Variants in LRRIQ3 observed in about 807,000 individuals in gnomAD.
LRRIQ3 encodes the protein leucine rich repeats and IQ motif containing 3, also known as leucine-rich repeat and IQ domain-containing protein 3.
A neutral mutation model predicts 59.3 loss-of-function variants in LRRIQ3; 75 were observed. The observed-to-expected ratio is 1.26, with a 90% CI of 1.05 to 1.53. The LOEUF is 1.53. Among genes scored for constraint, LRRIQ3 ranks in the 40% most tolerant of loss-of-function variants. LRRIQ3 has a pLI of 0.00. For synonymous variants in LRRIQ3, 250 were observed against 231.3 expected (o/e 1.08, Z -0.73); for missense variants, 831 against 710.0 (o/e 1.17, Z -1.94).
intron 6 of LRRIQ3, among the ~76,000 whole-genome samples, chr1:74,060,018 C>T (rs1385617516): frequency 6.6e-6 from 1 of 151,968 alleles, no homozygotes; most frequent in South Asian, 2.1e-4. Flanking sequence ...TTTTATACTT[C>T]TAGGAAAGTG....
chr1:74,047,397 A>C (rs1043190424), intron 6 of LRRIQ3, among the ~76,000 whole-genome samples: 1 of 152,096 alleles, frequency 6.6e-6, no homozygotes, highest in Non-Finnish European at 1.5e-5. Context: ...AACAATGAGA[A>C]CACATGGGCA....
chr1:74,196,332 T>A (rs1441968296), intron 1 of LRRIQ3, among the ~76,000 whole-genome samples: 1 of 152,170 alleles, frequency 6.6e-6, no homozygotes, highest in Non-Finnish European at 1.5e-5. Flanking sequence ...TTTCACCTTA[T>A]TAGAATATAC....
chr1:74,149,266 A>ATATTCTATACTGATG (rs1647773278), intron 4 of LRRIQ3, among the ~76,000 whole-genome samples: 1 of 152,182 alleles, frequency 6.6e-6, no homozygotes, highest in Non-Finnish European at 1.5e-5. Flanking sequence ...TATTTTCCTT[A>ATATTCTATACTGATG]CATGTATAGA....
At chr1:74,049,968 G>A (rs1654321153) in intron 6 of LRRIQ3, among the ~76,000 whole-genome samples, 1 of 144,698 alleles carries the variant, frequency 6.9e-6, no homozygotes, top group South Asian at 2.2e-4. Context: ...CTGTTGCCCA[G>A]GCTAGAGTGC....
At chr1:74,182,907 C>T (rs752259215) in intron 2 of LRRIQ3, 46 bp from the exon 3 acceptor site, 14 of 1,066,552 alleles carry the variant, frequency 1.3e-5, no homozygotes, top group Middle Eastern at 3.1e-4. Flanking sequence ...TTACTTTTTT[C>T]GAATAGCACA....
At chr1:74,147,497 A>G (rs1291647643) in intron 4 of LRRIQ3, among the ~76,000 whole-genome samples, 1 of 152,222 alleles carries the variant, frequency 6.6e-6, no homozygotes. Flanking sequence ...CATAGTAGAG[A>G]ATAATGATTT....
At chr1:74,182,319 C>T (rs1041409497) in intron 3 of LRRIQ3, 1 of 282,824 alleles carries the variant, frequency 3.5e-6, no homozygotes. Context: ...TGTTTCTCTA[C>T]AATTTGATCA....
chr1:74,061,010 C>A (rs963394811), intron 6 of LRRIQ3, among the ~76,000 whole-genome samples: 3 of 152,116 alleles, frequency 2.0e-5, no homozygotes, highest in Admixed American at 1.3e-4. Flanking sequence ...CTTTCAAGGA[C>A]ACTTGAGCTG....
At chr1:74,130,901 T>C (rs1006464090) in intron 4 of LRRIQ3, among the ~76,000 whole-genome samples, 1 of 151,742 alleles carries the variant, frequency 6.6e-6, no homozygotes, top group Non-Finnish European at 1.5e-5. Context: ...CTGAAGGAGA[T>C]AAAGACACAA....
In LRRIQ3 at chr1:74,046,598, G is replaced by T. The variant is rs183435865; in HGVS notation, c.998-4665C>A. 3.8e-3 allele frequency among the ~76,000 whole-genome samples: 577 copies of T among 152,226 alleles called. 5 individuals carry two copies. Among genetic ancestry groups the T allele is most frequent in the African/African-American group, 0.013 (548 of 41,556 alleles). Reference sequence around the variant, plus strand: ...GCAACAAAAGCCAAAATAGACAAATGGGATCTGATTAAACTAAAGAGCTTC... The same window carrying T: ...GCAACAAAAGCCAAAATAGACAAATTGGATCTGATTAAACTAAAGAGCTTC... On this transcript the variant is annotated intron_variant, in intron 6 of 7. Coordinates refer to ENST00000354431, the MANE Select transcript of LRRIQ3 (RefSeq NM_001105659.2).
chr1:74,177,510 A>T (rs1384671184), intron 3 of LRRIQ3, among the ~76,000 whole-genome samples: 1 of 152,178 alleles, frequency 6.6e-6, no homozygotes, highest in East Asian at 1.9e-4. Context: ...ACAAACCAGG[A>T]AAATGAAGAA....
In LRRIQ3 at chr1:74,183,526, T is replaced by A; in HGVS notation, c.159A>T (p.Arg53Ser). The change falls in exon 2 of 8, where the codon AGA (arginine) becomes AGT (serine). Residue 53 changes from arginine to serine, a missense_variant. Transcript: ENST00000354431. The stretch of plus-strand genomic sequence containing the variant: ...TAAAATTGTTTGAGAAGATGCATAC[T>A]CTAAGAGAGATGCAAGACTGCAAAT... ...MENLQSCISL[R>S]VCIFSNNFIT... 6.2e-7 allele frequency: 1 copy of A among 1,611,940 alleles called. No individual in the cohort carries two copies. Among genetic ancestry groups the A allele is most frequent in the Non-Finnish European group, 8.5e-7 (1 of 1,178,660 alleles).
chr1:74,183,500 A>C lies in LRRIQ3; in HGVS notation c.185T>G (p.Ile62Ser). 6.2e-7 allele frequency: 1 copy of C among 1,611,156 alleles called. No individual in the cohort carries two copies. The highest frequency in any genetic ancestry group is 8.5e-7 in the Non-Finnish European group (1 of 1,178,368). The change falls in exon 2 of 8, where the codon ATT becomes AGT. Residue 62 changes from isoleucine to serine, a missense_variant. Transcript: ENST00000354431. ...LRVCIFSNNF[I>S]TDIHPLQSCI... ...ACTTTGAAGTGGATGAATATCTGTA[A>C]TAAAATTGTTTGAGAAGATGCATAC...
At chr1:74,116,002 G>C (rs1251077610) in intron 4 of LRRIQ3, among the ~76,000 whole-genome samples, 1 of 151,664 alleles carries the variant, frequency 6.6e-6, no homozygotes, top group African/African-American at 2.4e-5. Flanking sequence ...ATATAAATGA[G>C]GACATTATTC....
At chr1:74,160,385 T>C (rs1413077888) in intron 3 of LRRIQ3, among the ~76,000 whole-genome samples, 1 of 152,094 alleles carries the variant, frequency 6.6e-6, no homozygotes, top group Non-Finnish European at 1.5e-5. Flanking sequence ...ATCAGAAATA[T>C]AAATACTTCT....
chr1:74,131,110 A>T (rs1647010449), intron 4 of LRRIQ3, among the ~76,000 whole-genome samples: 1 of 152,178 alleles, frequency 6.6e-6, no homozygotes, highest in Non-Finnish European at 1.5e-5. Flanking sequence ...CTACTCAAAT[A>T]AACTAGATAT....
chr1:74,078,682 G>A (rs756769752), intron 5 of LRRIQ3: 2 of 151,850 alleles, frequency 1.3e-5, no homozygotes, highest in Non-Finnish European at 2.9e-5. Context: ...AACTATGTCA[G>A]ATCAGGAAAA....
chr1:74,146,738 T>G (rs1400863866), intron 4 of LRRIQ3, among the ~76,000 whole-genome samples: 1 of 152,230 alleles, frequency 6.6e-6, no homozygotes, highest in Non-Finnish European at 1.5e-5. Flanking sequence ...TTTGGGATTG[T>G]TTATAGGATC....
intron 5 of LRRIQ3, among the ~76,000 whole-genome samples, chr1:74,094,458 A>G (rs1646428057): frequency 6.6e-6 from 1 of 152,068 alleles, no homozygotes. Context: ...GGTAGGGGTC[A>G]CAAGCCACAG....
Sources: allele counts gnomAD v4.1 joint callset (sites outside exome capture counted in the v4.1 genomes callset), GRCh38; gene constraint gnomAD v4.1.1; transcripts MANE v1.5; gene names NCBI Gene and HGNC (gene_info 2026-07-23, HGNC 2026-07-21).